The following SFI1 variants were observed in gnomAD, a reference collection of about 807,000 sequenced individuals.
SFI1 encodes protein SFI1 homolog.
A neutral mutation model predicts 207.5 loss-of-function variants in SFI1; 195 were observed. The ratio of observed to expected loss-of-function variants is 0.94; its 90% CI spans 0.84 to 1.06. The LOEUF is 1.06. Among genes scored for constraint, SFI1 ranks in the 50% least tolerant of loss-of-function variants. The pLI is 0.00. For synonymous variants in SFI1, 630 were observed against 598.9 expected (o/e 1.05, Z -0.76); for missense variants, 1,634 against 1,588.0 (o/e 1.03, Z -0.49).
intron 5 of SFI1, among the ~76,000 whole-genome samples, chr22:31,548,852 TTAAAAC>T (rs1472226908): frequency 2.6e-5 from 4 of 151,650 alleles, no homozygotes; most frequent in Non-Finnish European, 4.4e-5. Context: ...AATAAAATAT[TTAAAAC>T]TAGGAAAATA....
At chr22:31,537,112 C>T (rs776058539) in intron 4 of SFI1, among the ~76,000 whole-genome samples, 10 of 152,120 alleles carry the variant, frequency 6.6e-5, no homozygotes, top group Admixed American at 3.3e-4. Context: ...TCAGTGATGT[C>T]GTTTTAGACT....
At chr22:31,593,087 AC>A (rs571255660) in intron 15 of SFI1, among the ~76,000 whole-genome samples, 1 of 98,308 alleles carries the variant, frequency 1.0e-5, no homozygotes, top group African/African-American at 4.0e-5. Flanking sequence ...GGGGGGGCTG[AC>A]CCCCCACCTC....
At chr22:31,565,059 G>T (rs547024574) in intron 8 of SFI1, among the ~76,000 whole-genome samples, 1 of 148,874 alleles carries the variant, frequency 6.7e-6, no homozygotes, top group South Asian at 2.1e-4. Flanking sequence ...TCCTGACCTC[G>T]TGATCCGCCT....
intron 4 of SFI1, among the ~76,000 whole-genome samples, chr22:31,540,956 T>C (rs746722980): frequency 2.0e-5 from 3 of 152,196 alleles, no homozygotes; most frequent in Non-Finnish European, 4.4e-5. Context: ...ACTTTTGGTC[T>C]AGGACCATCT....
intron 4 of SFI1, among the ~76,000 whole-genome samples, chr22:31,532,872 A>G (rs933690596): frequency 2.0e-5 from 3 of 152,162 alleles, no homozygotes; most frequent in Non-Finnish European, 2.9e-5. Context: ...CTCCCCAAAG[A>G]TAAGCCTTAG....
chr22:31,560,400 CTTTT>C (rs398061887), intron 7 of SFI1, among the ~76,000 whole-genome samples: 2 of 125,510 alleles, frequency 1.6e-5, no homozygotes, highest in Non-Finnish European at 1.6e-5. Context: ...TGGTAATACT[CTTTT>C]TTTTTTTTTT....
intron 15 of SFI1, among the ~76,000 whole-genome samples, chr22:31,598,577 G>A (rs1358574565): frequency 1.3e-5 from 2 of 149,706 alleles, no homozygotes; most frequent in Admixed American, 6.7e-5. Flanking sequence ...CTGCCACCAC[G>A]CCCAGCTAAT....
At chr22:31,572,121 C>T (rs1190435711) in intron 8 of SFI1, among the ~76,000 whole-genome samples, 4 of 152,064 alleles carry the variant, frequency 2.6e-5, no homozygotes, top group Admixed American at 6.6e-5. Context: ...AGACAGAGCC[C>T]GTGGGCAGGT....
chr22:31,508,340 TG>T lies in SFI1; in HGVS notation c.57del (p.Ile20LeufsTer49), dbSNP rs1409353440. On this transcript the variant is annotated frameshift_variant, in exon 2 of 33. Transcript: ENST00000400288. LOFTEE classifies it high-confidence loss of function. ...CISSHNFHQK[V>X]IKQRMEKKVD... is the part of the protein sequence containing the mutation. ...TCAAGCCACAATTTCCATCAAAAAGTGATTAAGCAGAGAATGGAGAAGAAGG... is the reference window on the plus strand; with the variant it reads ...TCAAGCCACAATTTCCATCAAAAAGTATTAAGCAGAGAATGGAGAAGAAGG... The T allele has an allele frequency of 2.5e-6, 4 of 1,613,128 alleles. No individual in the cohort carries two copies. The African/African-American group carries it at 4.0e-5, about 16-fold the overall frequency.
At position 31,514,820 on chromosome 22, in the gene SFI1, G is replaced by A. The variant is rs1426483403; in HGVS notation, c.92+6444G>A. Among the ~76,000 whole-genome samples the A allele has an allele frequency of 2.0e-5, 3 of 149,380 alleles. No homozygotes were observed. The Admixed American group carries it at 2.0e-4, about 10-fold the overall frequency. ...CGGAGTCTCACTCTGTCGCCAGGCT[G>A]GAGTGCAGTGGCACAATCTCAGCTC... is the stretch of plus-strand genomic sequence containing the variant. On this transcript the variant is annotated intron_variant, in intron 2 of 32. Coordinates refer to ENST00000400288, the MANE Select transcript of SFI1 (RefSeq NM_001007467.3).
At chr22:31,581,377 C>T (rs1024060090) in intron 12 of SFI1, among the ~76,000 whole-genome samples, 2 of 151,822 alleles carry the variant, frequency 1.3e-5, no homozygotes, top group African/African-American at 4.8e-5. Flanking sequence ...CAACCTCCAC[C>T]TCCCAAGTTC....
intron 15 of SFI1, among the ~76,000 whole-genome samples, chr22:31,590,975 A>ATTTTTT (rs997391866): frequency 5.8e-5 from 8 of 137,240 alleles, no homozygotes; most frequent in African/African-American, 1.1e-4. Context: ...TTATTTATTT[A>ATTTTTT]TTTATTTTTT....
At position 31,546,947 on chromosome 22, in the gene SFI1, G is replaced by A; in HGVS notation, c.425G>A (p.Cys142Tyr). Reference protein sequence around the residue: ...WWVFQHEWKLCVRADCHYRYY... With the variant: ...WWVFQHEWKLYVRADCHYRYY... ...GTTTTCCAGCACGAGTGGAAACTCT[G>A]TGTTCGAGCTGACTGTCACTACAGG... Residue 142 changes from cysteine (C) to tyrosine (Y), a missense_variant, in exon 5 of 33, where the codon TGT becomes TAT. By Grantham distance (194) the Cys-to-Tyr change is radical. Transcript: ENST00000400288. The A allele has an allele frequency of 6.2e-7, 1 of 1,611,374 alleles. No individual in the cohort carries two copies. Among genetic ancestry groups the A allele is most frequent in the Non-Finnish European group, 8.5e-7 (1 of 1,178,722 alleles).
At chr22:31,583,995 T>G (rs373145543) in intron 13 of SFI1, 23 bp downstream of exon 13, 21 of 1,593,292 alleles carry the variant, frequency 1.3e-5, no homozygotes, top group Non-Finnish European at 1.7e-5. Context: ...GTTTCATCCC[T>G]GGCTCTCAGG....
intron 19 of SFI1, 68 bp downstream of exon 19, chr22:31,604,472 C>A: frequency 7.6e-7 from 1 of 1,320,186 alleles, no homozygotes; most frequent in Non-Finnish European, 1.0e-6. Flanking sequence ...ACTTTGTTTT[C>A]CTTCCTTGTT....
intron 6 of SFI1, among the ~76,000 whole-genome samples, chr22:31,554,600 G>T (rs1036231725): frequency 1.8e-5 from 2 of 108,780 alleles, no homozygotes; most frequent in South Asian, 7.0e-4. Flanking sequence ...GAGCCACTGC[G>T]CCCAGCCTTT....
At chr22:31,599,309 C>A (rs1278791932) in intron 15 of SFI1, among the ~76,000 whole-genome samples, 1 of 142,600 alleles carries the variant, frequency 7.0e-6, no homozygotes. Flanking sequence ...CAGGTTTTTC[C>A]AGCACCATTT....
intron 1 of SFI1, among the ~76,000 whole-genome samples, chr22:31,503,062 A>AAAG (rs2146436713): frequency 6.6e-6 from 1 of 151,660 alleles, no homozygotes; most frequent in East Asian, 1.9e-4. Flanking sequence ...CTCAAAAAAA[A>AAAG]AAAAAAAAAA....
At chr22:31,526,138 T>G (rs1314856220) in intron 2 of SFI1, among the ~76,000 whole-genome samples, 1 of 152,184 alleles carries the variant, frequency 6.6e-6, no homozygotes, top group African/African-American at 2.4e-5. Context: ...TACTAGATAA[T>G]CTTATAGAAG....
Sources: gnomAD v4.1 joint callset for allele counts (sites outside exome capture counted in the v4.1 genomes callset) on GRCh38, gnomAD v4.1.1 for gene constraint, MANE v1.5 for transcripts, NCBI Gene and HGNC (gene_info 2026-07-23, HGNC 2026-07-21) for gene names.